The following NKAIN3 variants were observed in gnomAD, a reference collection of about 807,000 sequenced individuals.
NKAIN3 encodes sodium/potassium-transporting ATPase subunit beta-1-interacting protein 3.
Under a neutral mutation model 30.2 loss-of-function variants are expected in NKAIN3, and 25 were observed. That is an observed-to-expected ratio of 0.83 (90% CI 0.60 to 1.16). NKAIN3 has a LOEUF of 1.16. Ranked by LOEUF, NKAIN3 falls within the 50% of genes most tolerant of loss-of-function variation. The pLI is 0.00. For synonymous variants in NKAIN3, 91 were observed against 89.6 expected (o/e 1.02, Z -0.09); for missense variants, 225 against 254.1 (o/e 0.89, Z 0.78).
chr8:62,746,790 G>A, intron 3 of NKAIN3, 142 bp from the exon 4 acceptor site: 2 of 587,332 alleles, frequency 3.4e-6, no homozygotes, highest in Non-Finnish European at 3.0e-6. Context: ...AGCCACTTGG[G>A]GCTTTGTCTT....
chr8:62,732,161 A>G (rs1815489165), intron 3 of NKAIN3, among the ~76,000 whole-genome samples: 1 of 152,284 alleles, frequency 6.6e-6, no homozygotes, highest in Non-Finnish European at 1.5e-5. Context: ...CAAAAGTCGT[A>G]ACTAGGAAAA....
At chr8:62,742,973 A>G (rs1563541584) in intron 3 of NKAIN3, among the ~76,000 whole-genome samples, 1 of 152,144 alleles carries the variant, frequency 6.6e-6, no homozygotes, top group Non-Finnish European at 1.5e-5. Flanking sequence ...CCCTTCTAAG[A>G]CCATTAAATC....
chr8:62,623,113 A>T (rs917728616), intron 3 of NKAIN3, among the ~76,000 whole-genome samples: 12 of 152,024 alleles, frequency 7.9e-5, no homozygotes, highest in Admixed American at 7.2e-4. Flanking sequence ...AATAAACTAC[A>T]GTCCATTTGA....
chr8:62,600,574 T>G (rs1237221121), intron 3 of NKAIN3, among the ~76,000 whole-genome samples: 8 of 151,994 alleles, frequency 5.3e-5, no homozygotes, highest in Non-Finnish European at 8.8e-5. Flanking sequence ...CTTCCGAAGG[T>G]CACTTCATTT....
chr8:62,815,626 A>T (rs1818652167), intron 4 of NKAIN3, among the ~76,000 whole-genome samples: 2 of 152,194 alleles, frequency 1.3e-5, no homozygotes, highest in African/African-American at 2.4e-5. Flanking sequence ...AAACCACATG[A>T]TTATCTCAAT....
chr8:62,325,087 C>T (rs1365714761), intron 1 of NKAIN3, among the ~76,000 whole-genome samples: 1 of 152,084 alleles, frequency 6.6e-6, no homozygotes, highest in East Asian at 1.9e-4. Context: ...GTCACCCAAA[C>T]CATGTACACT....
chr8:62,882,692 A>G (rs1458574971), intron 4 of NKAIN3, among the ~76,000 whole-genome samples: 1 of 152,048 alleles, frequency 6.6e-6, no homozygotes, highest in Non-Finnish European at 1.5e-5. Flanking sequence ...AAGGAATTTT[A>G]TAGTTTTGTG....
At chr8:62,293,025 C>T (rs1002811868) in intron 1 of NKAIN3, among the ~76,000 whole-genome samples, 6 of 152,132 alleles carry the variant, frequency 3.9e-5, no homozygotes, top group Admixed American at 6.5e-5. Flanking sequence ...ATCAAATTGG[C>T]TACTGAAGCT....
intron 1 of NKAIN3, among the ~76,000 whole-genome samples, chr8:62,529,599 C>T (rs552352270): frequency 5.9e-5 from 9 of 152,206 alleles, no homozygotes; most frequent in Non-Finnish European, 1.2e-4. Context: ...GGGAGGACAA[C>T]CATCTGAGAG....
chr8:62,950,739 A>C (rs1259011058), intron 5 of NKAIN3, among the ~76,000 whole-genome samples: 2 of 152,180 alleles, frequency 1.3e-5, no homozygotes, highest in Admixed American at 1.3e-4. Flanking sequence ...AGATGTCCTA[A>C]TTTGGTTAAA....
At chr8:62,306,823 T>C (rs540406773) in intron 1 of NKAIN3, among the ~76,000 whole-genome samples, 8 of 149,658 alleles carry the variant, frequency 5.3e-5, no homozygotes, top group Admixed American at 4.0e-4. Context: ...TTTGAAATGA[T>C]ATAACAAACT....
intron 3 of NKAIN3, among the ~76,000 whole-genome samples, chr8:62,597,136 ACGGGTTG>A (rs1247402014): frequency 6.6e-6 from 1 of 152,204 alleles, no homozygotes; most frequent in African/African-American, 2.4e-5. Context: ...CAGGTATGCC[ACGGGTTG>A]CAAGCTGGTC....
intron 1 of NKAIN3, among the ~76,000 whole-genome samples, chr8:62,554,015 A>C (rs916232507): frequency 6.6e-6 from 1 of 152,198 alleles, no homozygotes; most frequent in African/African-American, 2.4e-5. Flanking sequence ...TCACCTCAAC[A>C]TACAGCGATG....
Position 62,432,979 on chromosome 8 carries a change from A to G in NKAIN3, c.55-146560A>G, listed in dbSNP as rs1157605500. On this transcript the variant is annotated intron_variant, in intron 1 of 6. Transcript: ENST00000623646. ...GTGAATCTGTGTCATTCCAAGGCAC[A>G]TGAGAGCCACACTTGAAGTAGTTTG... 2.6e-5 allele frequency among the ~76,000 whole-genome samples: 4 copies of G among 152,274 alleles called. No individual in the cohort carries two copies. In the East Asian group the frequency reaches 5.8e-4, roughly 22 times the overall value.
At chr8:62,901,465 G>A (rs1429751146) in intron 4 of NKAIN3, among the ~76,000 whole-genome samples, 1 of 152,142 alleles carries the variant, frequency 6.6e-6, no homozygotes, top group Non-Finnish European at 1.5e-5. Flanking sequence ...GAGAGAGAGT[G>A]AGAAAGCTGA....
chr8:62,371,752 T>C (rs1278248294), intron 1 of NKAIN3, among the ~76,000 whole-genome samples: 1 of 151,988 alleles, frequency 6.6e-6, no homozygotes, highest in Non-Finnish European at 1.5e-5. Flanking sequence ...TAATATACTT[T>C]AATGCATTCT....
At chr8:62,716,210 A>G (rs57184263) in intron 3 of NKAIN3, among the ~76,000 whole-genome samples, 3,579 of 152,202 alleles carry the variant, frequency 0.024, 135 homozygotes, top group African/African-American at 0.081. Flanking sequence ...CTTTTTTGTC[A>G]ATGATACACA....
intron 3 of NKAIN3, among the ~76,000 whole-genome samples, chr8:62,669,147 C>G (rs1350916951): frequency 6.6e-6 from 1 of 152,182 alleles, no homozygotes; most frequent in Non-Finnish European, 1.5e-5. Flanking sequence ...AGTCCCCAGC[C>G]AATGACTGAG....
intron 1 of NKAIN3, among the ~76,000 whole-genome samples, chr8:62,512,518 T>A (rs2033506613): frequency 6.6e-6 from 1 of 152,154 alleles, no homozygotes. Context: ...AACTTTGTAG[T>A]CTGTTCTGTT....
Sources: allele counts gnomAD v4.1 joint callset (sites outside exome capture counted in the v4.1 genomes callset), GRCh38; gene constraint gnomAD v4.1.1; transcripts MANE v1.5; gene names NCBI Gene and HGNC (gene_info 2026-07-23, HGNC 2026-07-21).